The following SLC5A4 variants were observed in gnomAD, a reference collection of about 807,000 sequenced individuals.
The protein encoded by SLC5A4 is probable glucose sensor protein SLC5A4.
SLC5A4 carries 55 observed loss-of-function variants against 70.3 expected under a neutral mutation model. That is an observed-to-expected ratio of 0.78 (90% CI 0.63 to 0.98). The LOEUF is 0.98. Ranked by LOEUF, SLC5A4 falls within the 50% of genes least tolerant of loss-of-function variation. SLC5A4 has a pLI of 0.00. For missense variants in SLC5A4, 735 were observed against 839.2 expected (o/e 0.88, Z 1.53); for synonymous variants, 268 against 305.7 (o/e 0.88, Z 1.29).
At chr22:32,239,719 T>C (rs1414738233) in intron 5 of SLC5A4, among the ~76,000 whole-genome samples, 3 of 145,340 alleles carry the variant, frequency 2.1e-5, no homozygotes, top group African/African-American at 7.5e-5. Flanking sequence ...ACCTAATATA[T>C]TGGATAGAAA....
chr22:32,306,427 C>T, the SLC5A4 span, among the ~76,000 whole-genome samples: 1 of 150,036 alleles, frequency 6.7e-6, no homozygotes. Context: ...GATTGCACCA[C>T]TGCACTCCAG....
chr22:32,294,347 T>A, the SLC5A4 span, among the ~76,000 whole-genome samples: 1 of 152,186 alleles, frequency 6.6e-6, no homozygotes, highest in African/African-American at 2.4e-5. Flanking sequence ...AAATTAAACC[T>A]TTTTATTCTG....
the SLC5A4 span, among the ~76,000 whole-genome samples, chr22:32,311,104 G>A: frequency 1.3e-5 from 2 of 152,272 alleles, no homozygotes; most frequent in Admixed American, 6.5e-5. Flanking sequence ...TCAATCATCT[G>A]CTCAATAAGG....
chr22:32,346,089 A>C, the SLC5A4 span, among the ~76,000 whole-genome samples: 1 of 152,228 alleles, frequency 6.6e-6, no homozygotes, highest in Admixed American at 6.5e-5. Context: ...ATACTGTTTA[A>C]GCTCCATCTA....
At chr22:32,334,395 T>A in the SLC5A4 span, among the ~76,000 whole-genome samples, 1 of 152,144 alleles carries the variant, frequency 6.6e-6, no homozygotes, top group Non-Finnish European at 1.5e-5. Context: ...GTCCTCGTCC[T>A]CAGTGTGCCC....
At chr22:32,354,184 A>G in the SLC5A4 span, among the ~76,000 whole-genome samples, 16 of 118,750 alleles carry the variant, frequency 1.3e-4, no homozygotes, top group Non-Finnish European at 2.3e-4. Context: ...AGCGCCCCCA[A>G]CCAGCCTCCC....
At chr22:32,329,571 CGGGCTCTGGTGTGTGTCTTGG>C in the SLC5A4 span, among the ~76,000 whole-genome samples, 18 of 64,192 alleles carry the variant, frequency 2.8e-4, 1 homozygote, top group East Asian at 4.7e-3. Context: ...GTGTGTGTTG[CGGGCTCTGGTGTGTGTCTTGG>C]GGGCTCTGGT....
chr22:32,345,727 G>A, the SLC5A4 span, among the ~76,000 whole-genome samples: 1 of 152,104 alleles, frequency 6.6e-6, no homozygotes, highest in African/African-American at 2.4e-5. Flanking sequence ...ACACAGAAAA[G>A]GTCCCCCCAA....
At chr22:32,300,383 C>T in the SLC5A4 span, among the ~76,000 whole-genome samples, 24 of 152,200 alleles carry the variant, frequency 1.6e-4, no homozygotes, top group East Asian at 1.2e-3. Flanking sequence ...TTAAACCAGT[C>T]GGAAAAGCGC....
the SLC5A4 span, among the ~76,000 whole-genome samples, chr22:32,286,396 C>CA: frequency 6.6e-6 from 1 of 152,280 alleles, no homozygotes; most frequent in East Asian, 1.9e-4. Context: ...ACATTCACTG[C>CA]AGGGAGGCTC....
the SLC5A4 span, among the ~76,000 whole-genome samples, chr22:32,265,334 G>A: frequency 1.3e-5 from 2 of 152,170 alleles, no homozygotes; most frequent in South Asian, 2.1e-4. Context: ...GCTACAGTGA[G>A]CCATAATTGT....
At chr22:32,330,709 ATTGGGGGCTCTGGTGTGTATG>A in the SLC5A4 span, among the ~76,000 whole-genome samples, 272 of 18,536 alleles carry the variant, frequency 0.015, 3 homozygotes, top group African/African-American at 0.058. Flanking sequence ...CTCTGTGTGT[ATTGGGGGCTCTGGTGTGTATG>A]TTGGGGGCTC....
At chr22:32,267,470 T>C in the SLC5A4 span, among the ~76,000 whole-genome samples, 3 of 152,178 alleles carry the variant, frequency 2.0e-5, no homozygotes, top group South Asian at 6.2e-4. Flanking sequence ...CATTTCAGCA[T>C]GAAATTAACT....
At chr22:32,350,535 G>A in the SLC5A4 span, among the ~76,000 whole-genome samples, 1 of 152,082 alleles carries the variant, frequency 6.6e-6, no homozygotes, top group African/African-American at 2.4e-5. Context: ...CAATCTTAAA[G>A]GAGACTGTGA....
the SLC5A4 span, chr22:32,273,439 CAAG>C: frequency 1.2e-5 from 2 of 161,942 alleles, no homozygotes; most frequent in Non-Finnish European, 2.7e-5. Flanking sequence ...GACACAAAAA[CAAG>C]AAGAAATGCT....
intron 11 of SLC5A4, among the ~76,000 whole-genome samples, chr22:32,226,263 A>G (rs560079841): frequency 6.6e-6 from 1 of 152,330 alleles, no homozygotes; most frequent in African/African-American, 2.4e-5. Flanking sequence ...AACAGCCTCT[A>G]TCTCAGAATG....
chr22:32,304,836 C>T, the SLC5A4 span, among the ~76,000 whole-genome samples: 1 of 142,926 alleles, frequency 7.0e-6, no homozygotes, highest in East Asian at 2.0e-4. Context: ...CTCCTATGTT[C>T]TAGGAGTTCT....
At chr22:32,223,210 T>C (rs1425767867) in intron 13 of SLC5A4, among the ~76,000 whole-genome samples, 1 of 152,220 alleles carries the variant, frequency 6.6e-6, no homozygotes, top group African/African-American at 2.4e-5. Flanking sequence ...ATCTGGATTT[T>C]CTCCCAGCTA....
At chr22:32,288,419 C>T in the SLC5A4 span, among the ~76,000 whole-genome samples, 2 of 152,116 alleles carry the variant, frequency 1.3e-5, no homozygotes, top group Non-Finnish European at 2.9e-5. Context: ...ATCATGGTGA[C>T]CTTGGAGGCC....
Sources: allele counts gnomAD v4.1 joint callset (sites outside exome capture counted in the v4.1 genomes callset), GRCh38; gene constraint gnomAD v4.1.1; transcripts MANE v1.5; gene names NCBI Gene and HGNC (gene_info 2026-07-23, HGNC 2026-07-21).